Variants in ADAMTSL1 observed in about 807,000 individuals in gnomAD.
ADAMTSL1 encodes ADAMTS like 1.
In ADAMTSL1, 126 loss-of-function variants were observed where a neutral mutation model predicts 201.8. That is an observed-to-expected ratio of 0.62 (90% confidence interval 0.54 to 0.72). ADAMTSL1 has a LOEUF of 0.72. Ranked by LOEUF, ADAMTSL1 falls within the 30% of genes least tolerant of loss-of-function variation. The pLI, the probability that ADAMTSL1 is intolerant of heterozygous loss-of-function variation, is 0.00. For missense variants in ADAMTSL1, 2,679 were observed against 2,277.8 expected (o/e 1.18, Z -3.59); for synonymous variants, 1,121 against 903.4 (o/e 1.24, Z -4.32).
intron 1 of ADAMTSL1, among the ~76,000 whole-genome samples, chr9:18,094,668 C>T (rs1587032076): frequency 2.0e-5 from 3 of 152,116 alleles, no homozygotes; most frequent in Admixed American, 2.0e-4. Flanking sequence ...TCAAGTGATT[C>T]TCCTGCCTCA....
At chr9:18,868,304 A>G (rs1428162335) in intron 23 of ADAMTSL1, among the ~76,000 whole-genome samples, 1 of 151,946 alleles carries the variant, frequency 6.6e-6, no homozygotes, top group Non-Finnish European at 1.5e-5. Flanking sequence ...ATTTGTTTCC[A>G]TCGACTGATT....
At chr9:18,617,842 C>G (rs1000027095) in intron 4 of ADAMTSL1, among the ~76,000 whole-genome samples, 1 of 152,174 alleles carries the variant, frequency 6.6e-6, no homozygotes, top group African/African-American at 2.4e-5. Flanking sequence ...ATAAGCAACA[C>G]TGTGCAGTGA....
At chr9:18,700,749 T>A (rs1022797096) in intron 13 of ADAMTSL1, among the ~76,000 whole-genome samples, 1 of 152,218 alleles carries the variant, frequency 6.6e-6, no homozygotes, top group African/African-American at 2.4e-5. Flanking sequence ...AGAGTAGAAT[T>A]ACTTATGACA....
intron 1 of ADAMTSL1, among the ~76,000 whole-genome samples, chr9:18,037,179 C>T (rs1449145297): frequency 6.6e-6 from 1 of 152,174 alleles, no homozygotes; most frequent in Non-Finnish European, 1.5e-5. Context: ...AAAAAAACTT[C>T]AAGCTAGAGC....
intron 2 of ADAMTSL1, among the ~76,000 whole-genome samples, chr9:18,281,830 A>G (rs989138336): frequency 4.6e-5 from 7 of 152,194 alleles, no homozygotes; most frequent in Non-Finnish European, 8.8e-5. Flanking sequence ...TCAGCCTCTA[A>G]AAGTGCTGGG....
At chr9:18,045,336 AT>A (rs34716345) in intron 1 of ADAMTSL1, among the ~76,000 whole-genome samples, 40,831 of 152,038 alleles carry the variant, frequency 0.27, 6,944 homozygotes, top group Non-Finnish European at 0.38. Context: ...TAATTCTTGA[AT>A]CAGCAGTTGG....
At chr9:18,878,124 C>T (rs1292279397) in intron 23 of ADAMTSL1, among the ~76,000 whole-genome samples, 1 of 152,162 alleles carries the variant, frequency 6.6e-6, no homozygotes, top group Non-Finnish European at 1.5e-5. Flanking sequence ...CCCACCATGC[C>T]CCACCAATAG....
chr9:18,345,087 T>C (rs1313914594), intron 2 of ADAMTSL1, among the ~76,000 whole-genome samples: 1 of 152,144 alleles, frequency 6.6e-6, no homozygotes, highest in African/African-American at 2.4e-5. Flanking sequence ...GAGACAGTGT[T>C]ATACTTTCCT....
intron 2 of ADAMTSL1, among the ~76,000 whole-genome samples, chr9:18,263,442 G>C (rs79562249): frequency 0.023 from 3,513 of 152,046 alleles, 136 homozygotes; most frequent in African/African-American, 0.08. Flanking sequence ...TTCAATGTTG[G>C]CGTCACCTGG....
chr9:18,680,562 C>G, intron 11 of ADAMTSL1, 46 bp downstream of exon 11: 1 of 1,599,062 alleles, frequency 6.3e-7, no homozygotes, highest in Non-Finnish European at 8.6e-7. Flanking sequence ...TAAGTCCACT[C>G]TTCCCTCTCA....
chr9:17,916,618 A>T (rs551275649), intron 1 of ADAMTSL1, among the ~76,000 whole-genome samples: 1 of 152,290 alleles, frequency 6.6e-6, no homozygotes, highest in Admixed American at 6.5e-5. Flanking sequence ...TCAGTTGTCC[A>T]CACACGCGTA....
chr9:17,949,197 G>T (rs1251891763), intron 1 of ADAMTSL1, among the ~76,000 whole-genome samples: 1 of 152,140 alleles, frequency 6.6e-6, no homozygotes, highest in East Asian at 1.9e-4. Flanking sequence ...TTACATAAGA[G>T]GTTAAATTTT....
At chr9:18,881,297 C>T (rs776663024) in intron 23 of ADAMTSL1, among the ~76,000 whole-genome samples, 2 of 152,346 alleles carry the variant, frequency 1.3e-5, no homozygotes, top group Non-Finnish European at 2.9e-5. Context: ...ATACCTTCCC[C>T]ACTAAGCTTA....
chr9:18,831,517 T>C (rs1449403372), intron 23 of ADAMTSL1, among the ~76,000 whole-genome samples: 1 of 152,238 alleles, frequency 6.6e-6, no homozygotes, highest in Non-Finnish European at 1.5e-5. Flanking sequence ...TTTTTCATGA[T>C]AGCTTTACTT....
chr9:18,592,202 G>C (rs888739188), intron 4 of ADAMTSL1, among the ~76,000 whole-genome samples: 1 of 152,076 alleles, frequency 6.6e-6, no homozygotes, highest in African/African-American at 2.4e-5. Context: ...TGCAAGTTTG[G>C]TTTTGGGGAG....
chr9:18,704,801 G>A (rs1348377277), intron 13 of ADAMTSL1, among the ~76,000 whole-genome samples: 3 of 152,126 alleles, frequency 2.0e-5, no homozygotes, highest in Non-Finnish European at 4.4e-5. Flanking sequence ...GCAAAAGGTG[G>A]AACAAAGAAG....
intron 1 of ADAMTSL1, among the ~76,000 whole-genome samples, chr9:17,927,753 C>T (rs1826611283): frequency 6.6e-6 from 1 of 151,770 alleles, no homozygotes; most frequent in Non-Finnish European, 1.5e-5. Context: ...TAAATTATGC[C>T]AATATTACAC....
At chr9:18,529,659 A>C (rs369037507) in intron 2 of ADAMTSL1, among the ~76,000 whole-genome samples, 1 of 152,168 alleles carries the variant, frequency 6.6e-6, no homozygotes, top group East Asian at 1.9e-4. Flanking sequence ...TATAATCCAC[A>C]ATTTAATAGT....
intron 1 of ADAMTSL1, among the ~76,000 whole-genome samples, chr9:18,038,450 A>G (rs1821296874): frequency 6.6e-6 from 1 of 152,138 alleles, no homozygotes; most frequent in Non-Finnish European, 1.5e-5. Flanking sequence ...ACTTTTTTTC[A>G]CTTTAAATAA....
Sources: gnomAD v4.1 joint callset for allele counts (sites outside exome capture counted in the v4.1 genomes callset) on GRCh38, gnomAD v4.1.1 for gene constraint, MANE v1.5 for transcripts, NCBI Gene and HGNC (gene_info 2026-07-23, HGNC 2026-07-21) for gene names.